Variants in PPP2R3C observed in about 807,000 individuals in gnomAD.
PPP2R3C encodes the protein protein phosphatase 2 regulatory subunit B''gamma, also known as serine/threonine-protein phosphatase 2A regulatory subunit B'' subunit gamma.
A neutral mutation model predicts 63.7 loss-of-function variants in PPP2R3C; 47 were observed. That is an observed-to-expected ratio of 0.74 (90% CI 0.58 to 0.94). The LOEUF (loss-of-function observed/expected upper bound fraction) is 0.94. Among genes scored for constraint, PPP2R3C ranks in the 40% least tolerant of loss-of-function variants. The pLI is 0.00. For missense variants in PPP2R3C, 421 were observed against 518.4 expected (o/e 0.81, Z 1.82); for synonymous variants, 180 against 177.4 (o/e 1.01, Z -0.12).
chr14:35,110,517 G>T lies in PPP2R3C; in HGVS notation c.291+8C>A, dbSNP rs1291644422. On this transcript the variant is annotated splice_region_variant and intron_variant, in intron 3 of 12. Coordinates refer to ENST00000261475, the MANE Select transcript of PPP2R3C (RefSeq NM_017917.4). Reference sequence around the variant, plus strand: ...AACATCTAAAGCAACTTTTTGCTTTGTTCTTACCTGTAATTCTTCATTATC... The same window carrying T: ...AACATCTAAAGCAACTTTTTGCTTTTTTCTTACCTGTAATTCTTCATTATC... 4 of 1,574,116 alleles carry T rather than the reference G, an allele frequency of 2.5e-6. No individual in the cohort carries two copies. The highest frequency in any genetic ancestry group is 3.5e-6 in the Non-Finnish European group (4 of 1,151,628).
At position 35,096,706 on chromosome 14, in the gene PPP2R3C, T is replaced by C; in HGVS notation, c.762+3A>G. 1.2e-6 allele frequency: 2 copies of C among 1,604,036 alleles called. No individual in the cohort carries two copies. Among genetic ancestry groups the C allele is most frequent in the Non-Finnish European group, 8.5e-7 (1 of 1,175,376 alleles). On this transcript the variant is annotated splice_donor_region_variant and intron_variant, in intron 8 of 12. Transcript: ENST00000261475. ...TACAATTAAGTAGTTTAAAAACATT[T>C]ACCTCCAATAAATCATCTAGGAAGC...
chr14:35,105,081 G>A (rs1320559002), intron 6 of PPP2R3C, among the ~76,000 whole-genome samples: 2 of 150,110 alleles, frequency 1.3e-5, no homozygotes. Flanking sequence ...TGGAATTCTT[G>A]GCCCTTTAAA....
At chr14:35,091,439 C>T (rs536496561) in intron 10 of PPP2R3C, among the ~76,000 whole-genome samples, 116 of 151,906 alleles carry the variant, frequency 7.6e-4, no homozygotes, top group Non-Finnish European at 1.4e-3. Flanking sequence ...ACAATCTTGG[C>T]TCACCACAAC....
chr14:35,095,253 A>G (rs2045955830), intron 9 of PPP2R3C, 69 bp from the exon 10 acceptor site: 2 of 1,502,262 alleles, frequency 1.3e-6, no homozygotes, highest in East Asian at 2.3e-5. Context: ...TAGACTAACA[A>G]AAAGTTTTTT....
intron 11 of PPP2R3C, among the ~76,000 whole-genome samples, chr14:35,090,455 G>C (rs527987713): frequency 6.6e-6 from 1 of 151,786 alleles, no homozygotes; most frequent in Non-Finnish European, 1.5e-5. Flanking sequence ...AGGTTGCGGC[G>C]AGCTATGATC....
chr14:35,105,515 G>C (rs908353543), intron 6 of PPP2R3C, among the ~76,000 whole-genome samples: 7 of 151,360 alleles, frequency 4.6e-5, no homozygotes, highest in African/African-American at 1.7e-4. Context: ...TGAAGAAAAA[G>C]AATCTAAAAA....
At chr14:35,107,936 ATCTT>A (rs1409006046) in intron 5 of PPP2R3C, 199 bp downstream of exon 5, 2 of 508,440 alleles carry the variant, frequency 3.9e-6, no homozygotes, top group African/African-American at 4.0e-5. Flanking sequence ...GTCTACTATT[ATCTT>A]TAAGACACAT....
chr14:35,085,760 C>G lies in PPP2R3C; in HGVS notation c.1192G>C (p.Val398Leu), dbSNP rs1406344699. Residue 398 changes from valine to leucine, a missense_variant, in exon 13 of 13, where the codon GTA (valine) becomes CTA (leucine). Physicochemically the swap from Val to Leu is conservative, Grantham distance 32. Around this residue, in one of 3 missense-constraint regions of PPP2R3C, gnomAD observed 231 missense variants for 264.8 expected, o/e 0.87. Transcript: ENST00000261475. Reference sequence around the variant, plus strand: ...ATTTTCAAAGGATCCTTTGGTTTTACCATGTCAAAGATTTCATCCTGCAAG... The same window carrying G: ...ATTTTCAAAGGATCCTTTGGTTTTAGCATGTCAAAGATTTCATCCTGCAAG... ...QDVKDEIFDM[V>L]KPKDPLKISL... 1 of 1,602,142 alleles carries G rather than the reference C, an allele frequency of 6.2e-7. No individual in the cohort carries two copies. The highest frequency in any genetic ancestry group is 8.5e-7 in the Non-Finnish European group (1 of 1,174,840).
chr14:35,086,051 C>A, intron 12 of PPP2R3C: 1 of 352,314 alleles, frequency 2.8e-6, no homozygotes, highest in Non-Finnish European at 5.1e-6. Flanking sequence ...GAAACCAAGG[C>A]TCAGTGCCTA....
intron 11 of PPP2R3C, among the ~76,000 whole-genome samples, chr14:35,090,464 T>A (rs541187582): frequency 1.3e-5 from 2 of 152,002 alleles, no homozygotes; most frequent in African/African-American, 4.8e-5. Context: ...CGAGCTATGA[T>A]CATGCCACTG....
intron 11 of PPP2R3C, among the ~76,000 whole-genome samples, chr14:35,090,711 ATTTTTTT>A (rs35890780): frequency 9.1e-6 from 1 of 110,352 alleles, no homozygotes; most frequent in South Asian, 2.9e-4. Context: ...GCATCTCACA[ATTTTTTT>A]TTTTTTTTTT....
At chr14:35,103,454 C>A (rs2046257786) in intron 6 of PPP2R3C, among the ~76,000 whole-genome samples, 1 of 152,222 alleles carries the variant, frequency 6.6e-6, no homozygotes, top group South Asian at 2.1e-4. Flanking sequence ...AATCGTCTGT[C>A]AATCCCAGTC....
chr14:35,121,979 G>A lies in PPP2R3C; in HGVS notation c.-20C>T. 1 of 1,614,096 alleles carries A rather than the reference G, an allele frequency of 6.2e-7. No individual in the cohort carries two copies. The highest frequency in any genetic ancestry group is 8.5e-7 in the Non-Finnish European group (1 of 1,179,976). ...GTCCATGGCCGACTTCCGCGCAGCA[G>A]CTTCTGCATTTGCTGTTTCCTACCT... On this transcript the variant is annotated 5_prime_UTR_variant, in exon 1 of 13. Transcript: ENST00000261475.
At chr14:35,096,420 T>G (rs1437238161) in intron 9 of PPP2R3C, 138 bp downstream of exon 9, 9 of 812,352 alleles carry the variant, frequency 1.1e-5, no homozygotes, top group Non-Finnish European at 1.8e-5. Context: ...TAAATTTTGG[T>G]AATGTAGAAT....
At chr14:35,094,988 G>T in intron 10 of PPP2R3C, 60 bp downstream of exon 10, 1 of 1,517,260 alleles carries the variant, frequency 6.6e-7, no homozygotes, top group Non-Finnish European at 9.1e-7. Flanking sequence ...CAAGAAAAGG[G>T]TTTGTGGAAA....
At chr14:35,087,238 G>A (rs2045635251) in intron 12 of PPP2R3C, 1 of 152,030 alleles carries the variant, frequency 6.6e-6, no homozygotes, top group African/African-American at 2.4e-5. Flanking sequence ...TCTTTTTGTA[G>A]TAAAATAACT....
chr14:35,103,862 T>G (rs974738685), intron 6 of PPP2R3C, among the ~76,000 whole-genome samples: 1 of 152,216 alleles, frequency 6.6e-6, no homozygotes, highest in Non-Finnish European at 1.5e-5. Context: ...AGCCACTGCC[T>G]TTCAAATTAG....
rs2046289306 is a variant in PPP2R3C, at chr14:35,104,524, G to C, written c.573+2780C>G. Among the ~76,000 whole-genome samples the C allele has an allele frequency of 2.0e-5, 3 of 151,982 alleles. No homozygotes were observed. The South Asian group carries it at 6.2e-4, about 32-fold the overall frequency. On this transcript the variant is annotated intron_variant, in intron 6 of 12. Coordinates refer to ENST00000261475, the MANE Select transcript of PPP2R3C (RefSeq NM_017917.4). The stretch of plus-strand genomic sequence containing the variant: ...TCTTAAAAAAAGCACTGTATATTTG[G>C]GAAAAAAGCCTGAGGTGAAAAGTAA...
At chr14:35,122,003 C>G (rs2046921009), upstream of PPP2R3C, 3 of 1,608,716 alleles carry the variant, frequency 1.9e-6, no homozygotes, top group African/African-American at 1.3e-5. Flanking sequence ...TGTTTCCTAC[C>G]TGCTCCACCC....
Sources: allele counts gnomAD v4.1 joint callset (sites outside exome capture counted in the v4.1 genomes callset), GRCh38; gene constraint gnomAD v4.1.1; regional missense constraint gnomAD v4.1.1; transcripts MANE v1.5; gene names NCBI Gene and HGNC (gene_info 2026-07-23, HGNC 2026-07-21).